JAML: variants seen among roughly 807,000 people sequenced by gnomAD.
JAML encodes the protein junctional adhesion molecule-like.
A neutral mutation model predicts 39.3 loss-of-function variants in JAML; 25 were observed. The ratio of observed to expected loss-of-function variants is 0.64; its 90% confidence interval spans 0.46 to 0.89. The LOEUF (loss-of-function observed/expected upper bound fraction) is 0.89, where lower values mean the gene tolerates loss of function less well. Ranked by LOEUF, JAML falls within the 40% of genes least tolerant of loss-of-function variation. JAML has a pLI of 0.00. For synonymous variants in JAML, 162 were observed against 179.2 expected (o/e 0.90, Z 0.77); for missense variants, 440 against 486.9 (o/e 0.90, Z 0.91).
At chr11:118,207,081 A>G (rs566625312) in intron 4 of JAML, among the ~76,000 whole-genome samples, 1 of 152,356 alleles carries the variant, frequency 6.6e-6, no homozygotes, top group Admixed American at 6.5e-5. Context: ...AAGCAAAAGA[A>G]AATATTATGA....
intron 7 of JAML, among the ~76,000 whole-genome samples, chr11:118,198,825 G>T (rs1261567337): frequency 1.3e-5 from 2 of 152,170 alleles, no homozygotes; most frequent in Non-Finnish European, 2.9e-5. Flanking sequence ...TAGACAGTTG[G>T]AAGTGGAAGT....
Position 118,203,579 on chromosome 11 carries a change from G to GT in JAML, c.620dup (p.Asn207LysfsTer10), listed in dbSNP as rs1388543134. ...CATTGCGGAAAATGTCCCCCACCAGGTTCACACGATTCTGGAAGTGGCCCC... is the reference window on the plus strand; with the variant it reads ...CATTGCGGAAAATGTCCCCCACCAGGTTTCACACGATTCTGGAAGTGGCCCC... On this transcript the variant is annotated frameshift_variant, in exon 6 of 10. Transcript: ENST00000356289. LOFTEE classifies it high-confidence loss of function. The GT allele has an allele frequency of 6.2e-7, 1 of 1,614,160 alleles. No individual in the cohort carries two copies. Among genetic ancestry groups the GT allele is most frequent in the South Asian group, 1.1e-5 (1 of 91,082 alleles).
intron 6 of JAML, 108 bp downstream of exon 6, chr11:118,203,320 T>A (rs754501540): frequency 8.8e-5 from 86 of 973,150 alleles, no homozygotes; most frequent in Middle Eastern, 6.1e-4. Context: ...CTGAGAGGGA[T>A]GCCTCCTTCA....
chr11:118,213,149 C>T, intron 2 of JAML: 1 of 1,415,262 alleles, frequency 7.1e-7, no homozygotes, highest in Non-Finnish European at 9.2e-7. Context: ...TCCAGCTTTG[C>T]CATCAGCTTT....
In JAML at chr11:118,222,430, A is replaced by G. The variant is rs1949218925; in HGVS notation, c.-21+2511T>C. ...CGAGACTCCATCTAAACAAACAAAA[A>G]GCCCCTGCTTTCCCTCTAAGAACTT... On this transcript the variant is annotated intron_variant, in intron 1 of 9. Coordinates refer to ENST00000356289, the MANE Select transcript of JAML (RefSeq NM_001098526.2). The surrounding 1 kb of genome is among the most constrained non-coding windows in gnomAD (Gnocchi z 4.2). Among the ~76,000 whole-genome samples, 1 of 152,110 alleles carries G rather than the reference A, an allele frequency of 6.6e-6. No homozygotes were observed. Among genetic ancestry groups the G allele is most frequent in the South Asian group, 2.1e-4 (1 of 4,830 alleles).
Position 118,200,500 on chromosome 11 carries a change from G to A in JAML, c.885C>T (p.Ile295=), listed in dbSNP as rs144804590. ...TILLLPVLIL[I]VKKTCGNKSS... ...TCTTATTTCCACAGGTCTTCTTCACGATCAATATCAGAACAGGGAGCAGCA... is the reference window on the plus strand; with the variant it reads ...TCTTATTTCCACAGGTCTTCTTCACAATCAATATCAGAACAGGGAGCAGCA... Residue 295 remains isoleucine, a synonymous_variant, in exon 7 of 10, where the codon ATC becomes ATT. Transcript: ENST00000356289. 114 of 1,614,052 alleles carry A rather than the reference G, an allele frequency of 7.1e-5. No individual in the cohort carries two copies. In the African/African-American group the frequency reaches 7.3e-4, roughly 10 times the overall value.
chr11:118,198,944 A>C (rs1238570546), intron 7 of JAML, among the ~76,000 whole-genome samples: 1 of 152,192 alleles, frequency 6.6e-6, no homozygotes, highest in Non-Finnish European at 1.5e-5. Context: ...GTGTAAGCAT[A>C]AGCTCACATA....
At chr11:118,224,128 G>A (rs986722912) in intron 1 of JAML, 9 of 152,172 alleles carry the variant, frequency 5.9e-5, no homozygotes, top group African/African-American at 2.2e-4. Context: ...CTTAAAATAT[G>A]CCCTCATTTT....
Position 118,205,914 on chromosome 11 carries a change from C to G in JAML, c.502G>C (p.Val168Leu). 1 of 1,614,144 alleles carries G rather than the reference C, an allele frequency of 6.2e-7. No homozygotes were observed. Among genetic ancestry groups the G allele is most frequent in the Non-Finnish European group, 8.5e-7 (1 of 1,179,994 alleles). Reference sequence around the variant, plus strand: ...CGCCGTCCTGAAAATATCCATTCTACCTTGGTCACGTGTTTCACTTCTGTG... The same window carrying G: ...CGCCGTCCTGAAAATATCCATTCTAGCTTGGTCACGTGTTTCACTTCTGTG... ...QSTEVKHVTK[V>L]EWIFSGRRAK... The change falls in exon 5 of 10, where the codon GTA becomes CTA. Residue 168 changes from valine (V) to leucine (L), a missense_variant. Coordinates refer to ENST00000356289, the MANE Select transcript of JAML (RefSeq NM_001098526.2).
intron 1 of JAML, among the ~76,000 whole-genome samples, chr11:118,219,677 AT>A (rs1949188387): frequency 6.6e-6 from 1 of 152,166 alleles, no homozygotes; most frequent in African/African-American, 2.4e-5. Flanking sequence ...TGGTAAATAC[AT>A]TTGCTGCCGG....
intron 1 of JAML, among the ~76,000 whole-genome samples, chr11:118,220,827 G>A (rs1452824584): frequency 6.6e-6 from 1 of 152,216 alleles, no homozygotes; most frequent in Non-Finnish European, 1.5e-5. Flanking sequence ...CGCACAGCTT[G>A]TACCCTCTGC....
intron 9 of JAML, among the ~76,000 whole-genome samples, chr11:118,196,132 C>CTT (rs748213507): frequency 1.5e-5 from 2 of 132,024 alleles, no homozygotes; most frequent in African/African-American, 2.8e-5. Context: ...CATGCTCGGC[C>CTT]TTTTTTTTTT....
intron 4 of JAML, chr11:118,209,166 C>T (rs1185430479): frequency 6.6e-6 from 2 of 304,056 alleles, no homozygotes; most frequent in East Asian, 9.6e-5. Flanking sequence ...CCTTTGGTTA[C>T]AGTCTCAGCT....
rs762624688 is a variant in JAML at position 118,198,079 on chromosome 11, A to G, written c.924T>C (p.Ser308=). ...TCTTCGTGTTCTTCACCAAGACTGT[A>G]GAATTCACTGAACTGCAAGACATGA... The part of the protein sequence containing the change: ...KTCGNKSSVN[S]TVLVKNTKKT... Residue 308 remains serine (S), a synonymous_variant, in exon 8 of 10, where the codon TCT becomes TCC. Transcript: ENST00000356289. 4.3e-6 allele frequency: 7 copies of G among 1,614,008 alleles called. No individual in the cohort carries two copies. The highest frequency in any genetic ancestry group is 5.9e-6 in the Non-Finnish European group (7 of 1,179,836).
At chr11:118,196,863 GA>G in intron 8 of JAML, 42 bp from the exon 9 acceptor site, 1 of 1,522,502 alleles carries the variant, frequency 6.6e-7, no homozygotes. Context: ...AAAATTAGAT[GA>G]ATCTTATACA....
intron 1 of JAML, among the ~76,000 whole-genome samples, chr11:118,219,756 C>T (rs1333666581): frequency 1.3e-5 from 2 of 152,232 alleles, no homozygotes; most frequent in Non-Finnish European, 2.9e-5. Flanking sequence ...GCTTGGGGAC[C>T]TCTCCCCTAC....
intron 6 of JAML, chr11:118,200,984 G>A (rs758537009): frequency 4.3e-5 from 8 of 188,078 alleles, no homozygotes; most frequent in South Asian, 2.1e-4. Context: ...AACTCATGCC[G>A]CAAGACTCAG....
In JAML at chr11:118,203,586, C is replaced by T. The variant is rs374342459; in HGVS notation, c.614G>A (p.Arg205His). The change falls in exon 6 of 10, where the codon CGT becomes CAT. Residue 205 changes from arginine to histidine, a missense_variant. Arg to His is a conservative substitution (Grantham distance 29, BLOSUM62 0). Coordinates refer to ENST00000356289, the MANE Select transcript of JAML (RefSeq NM_001098526.2). ...GAAAATGTCCCCCACCAGGTTCACA[C>T]GATTCTGGAAGTGGCCCCAGCTCTG... ...YSQSWGHFQNRVNLVGDIFRN... is the reference protein window; with the variant it reads ...YSQSWGHFQNHVNLVGDIFRN... 149 of 1,614,038 alleles carry T rather than the reference C, an allele frequency of 9.2e-5. No homozygotes were observed. Among genetic ancestry groups the T allele is most frequent in the Non-Finnish European group, 1.1e-4 (126 of 1,180,036 alleles).
At chr11:118,212,812 AC>A in intron 2 of JAML, 1 of 1,612,824 alleles carries the variant, frequency 6.2e-7, no homozygotes, top group East Asian at 2.2e-5. Context: ...CCAGCCCCTT[AC>A]ACTTTTCTGG....
Sources: gnomAD v4.1 joint callset for allele counts (sites outside exome capture counted in the v4.1 genomes callset) on GRCh38, gnomAD v4.1.1 for gene constraint, Gnocchi (gnomAD v3.1) non-coding constraint, MANE v1.5 for transcripts, NCBI Gene and HGNC (gene_info 2026-07-23, HGNC 2026-07-21) for gene names.